The following AKAP12 variants were observed in gnomAD, a reference collection of about 807,000 sequenced individuals.
The protein encoded by AKAP12 is A-kinase anchor protein 12.
Under a neutral mutation model 79.9 loss-of-function variants are expected in AKAP12, and 32 were observed. That is an observed-to-expected ratio of 0.40 (90% confidence interval 0.30 to 0.54). AKAP12 has a LOEUF of 0.54. Among genes scored for constraint, AKAP12 ranks in the 20% least tolerant of loss-of-function variants. AKAP12 has a pLI of 0.48. For synonymous variants in AKAP12, 808 were observed against 857.0 expected (o/e 0.94, Z 1.00); for missense variants, 2,074 against 2,177.0 (o/e 0.95, Z 0.94).
At chr6:151,311,483 C>T (rs1443706303) in intron 3 of AKAP12, among the ~76,000 whole-genome samples, 1 of 152,152 alleles carries the variant, frequency 6.6e-6, no homozygotes, top group Non-Finnish European at 1.5e-5. Context: ...TGCACGTGGA[C>T]CGCCACTGTG....
rs894782575 is a variant in AKAP12, at chr6:151,275,429, G to GA, written c.163-30310dup. On this transcript the variant is annotated intron_variant, in intron 2 of 4. Coordinates refer to ENST00000402676, the MANE Select transcript of AKAP12 (RefSeq NM_005100.4). ...TGTACATTTTCCATCTAGAAAAGGG[G>GA]AAAAAAAATCTGTAGAAGAATGGAT... is the stretch of plus-strand genomic sequence containing the variant. Among the ~76,000 whole-genome samples, 20 of 151,700 alleles carry GA rather than the reference G, an allele frequency of 1.3e-4. No homozygotes were observed. In the East Asian group the frequency reaches 2.7e-3, roughly 21 times the overall value.
rs551016795 is a variant in AKAP12, at chr6:151,260,907, G to A, written c.162+20183G>A. 1.9e-3 allele frequency among the ~76,000 whole-genome samples: 289 copies of A among 152,268 alleles called. 1 individual carries two copies. The highest frequency in any genetic ancestry group is 3.0e-3 in the Non-Finnish European group (205 of 68,026). On this transcript the variant is annotated intron_variant, in intron 2 of 4. Transcript: ENST00000402676. ...CTCGGGAGGCTGACACAGGAGAATC[G>A]CTTGAACCGGGGAGGTGGAGGTTGC...
intron 2 of AKAP12, among the ~76,000 whole-genome samples, chr6:151,245,386 C>T (rs966991669): frequency 6.6e-6 from 1 of 151,642 alleles, no homozygotes; most frequent in South Asian, 2.1e-4. Flanking sequence ...ACCTTTGCCT[C>T]CCAGGTTCAA....
At chr6:151,310,565 AT>A (rs372550144) in intron 3 of AKAP12, among the ~76,000 whole-genome samples, 1 of 151,836 alleles carries the variant, frequency 6.6e-6, no homozygotes, top group Admixed American at 6.6e-5. Context: ...CTGTCTCTAT[AT>A]TTTTTTTAAC....
intron 3 of AKAP12, among the ~76,000 whole-genome samples, chr6:151,331,105 C>G (rs1331723579): frequency 1.3e-5 from 2 of 152,190 alleles, no homozygotes; most frequent in Admixed American, 6.5e-5. Context: ...GTGTGAAACA[C>G]TTCAGTAATT....
At chr6:151,345,887 G>GT (rs1175968373) in intron 3 of AKAP12, among the ~76,000 whole-genome samples, 7 of 98,018 alleles carry the variant, frequency 7.1e-5, no homozygotes, top group Non-Finnish European at 1.7e-4. Context: ...TGAAGGATGT[G>GT]TGTGTATATG....
chr6:151,319,939 A>C (rs975786433), intron 3 of AKAP12: 2 of 152,194 alleles, frequency 1.3e-5, no homozygotes, highest in East Asian at 3.8e-4. Flanking sequence ...TTCCAGCAAG[A>C]AGAAAAGAGA....
At chr6:151,295,316 G>C (rs1776701234) in intron 2 of AKAP12, among the ~76,000 whole-genome samples, 1 of 152,196 alleles carries the variant, frequency 6.6e-6, no homozygotes. Context: ...GATGATTTTA[G>C]TGGATCTCTC....
chr6:151,252,352 T>C (rs1304913026), intron 2 of AKAP12, among the ~76,000 whole-genome samples: 3 of 152,006 alleles, frequency 2.0e-5, no homozygotes, highest in African/African-American at 7.2e-5. Flanking sequence ...CAGGCCACCA[T>C]GCCTGGCTAA....
chr6:151,315,238 T>A (rs1315443548), intron 3 of AKAP12, among the ~76,000 whole-genome samples: 1 of 152,214 alleles, frequency 6.6e-6, no homozygotes, highest in East Asian at 1.9e-4. Context: ...AACAGAAATT[T>A]ATTACTTATA....
chr6:151,263,947 A>C (rs901258322), intron 2 of AKAP12, among the ~76,000 whole-genome samples: 1 of 152,146 alleles, frequency 6.6e-6, no homozygotes, highest in African/African-American at 2.4e-5. Flanking sequence ...AAACCTCTGC[A>C]TCTCTCCACC....
At position 151,340,235 on chromosome 6, in the gene AKAP12, G is replaced by T. The variant is rs1158581027; in HGVS notation, c.320-8476G>T. Among the ~76,000 whole-genome samples the T allele has an allele frequency of 8.3e-4, 111 of 133,636 alleles. No homozygotes were observed. In the East Asian group the frequency reaches 0.016, roughly 19 times the overall value. The allele number at this position is 133,636 out of a possible 152,430, so 87.7% of individuals were successfully genotyped here. A position where few individuals can be genotyped will look rare whatever the true frequency, so the allele number is the denominator to read the frequency against. The stretch of plus-strand genomic sequence containing the variant: ...TCATGAGCCACCGCGCCCAGCGGTG[G>T]TTTTTTTTTTTTTTTTTAGTGCTGA... On this transcript the variant is annotated intron_variant, in intron 3 of 4. Coordinates refer to ENST00000402676, the MANE Select transcript of AKAP12 (RefSeq NM_005100.4).
At position 151,351,763 on chromosome 6, in the gene AKAP12, T is replaced by C. The variant is rs1438979526; in HGVS notation, c.3372T>C (p.Pro1124=). The C allele has an allele frequency of 6.2e-7, 1 of 1,614,128 alleles. No homozygotes were observed. Among genetic ancestry groups the C allele is most frequent in the Non-Finnish European group, 8.5e-7 (1 of 1,180,018 alleles). The change falls in exon 4 of 5, where the codon CCT becomes CCC. Residue 1124 remains proline, a synonymous_variant. Coordinates refer to ENST00000402676, the MANE Select transcript of AKAP12 (RefSeq NM_005100.4). This position sits in a 1 kb window ranked among gnomAD's most constrained non-coding sequence, Gnocchi z 4.4. ...CCCCAGAAAGCTTTGAAAAAGCTCC[T>C]CAAGTCACAGAGAGCATAGAGTCCA... ...QTTPESFEKA[P]QVTESIESSE... is the part of the protein sequence containing the mutation.
rs114740042 is a variant in AKAP12, at chr6:151,339,500, A to G, written c.320-9211A>G. Among the ~76,000 whole-genome samples the G allele has an allele frequency of 6.9e-3, 1,055 of 152,250 alleles. 14 individuals carry two copies. Among genetic ancestry groups the G allele is most frequent in the Middle Eastern group, 0.024 (7 of 294 alleles). The stretch of plus-strand genomic sequence containing the variant: ...GAATTCCCATGTGTCCCTTGCCCCA[A>G]CGTCTGCATAGCCTCCCCCAACCCT... On this transcript the variant is annotated intron_variant, in intron 3 of 4. Coordinates refer to ENST00000402676, the MANE Select transcript of AKAP12 (RefSeq NM_005100.4).
At chr6:151,348,680 T>TCACCCC in intron 3 of AKAP12, 31 bp from the exon 4 acceptor site, 2 of 355,202 alleles carry the variant, frequency 5.6e-6, no homozygotes, top group Non-Finnish European at 1.1e-5. Flanking sequence ...TTTTCTCTTC[T>TCACCCC]CCCCACCCCC....
At chr6:151,268,126 G>C (rs759254869) in intron 2 of AKAP12, among the ~76,000 whole-genome samples, 6 of 152,194 alleles carry the variant, frequency 3.9e-5, no homozygotes, top group Non-Finnish European at 5.9e-5. Flanking sequence ...TTAAAACAGT[G>C]TGACTGCTGG....
At chr6:151,322,050 CA>C (rs1481128947) in intron 3 of AKAP12, among the ~76,000 whole-genome samples, 1 of 151,748 alleles carries the variant, frequency 6.6e-6, no homozygotes, top group Non-Finnish European at 1.5e-5. Context: ...GCTGGGATTA[CA>C]GGCGCCCGCC....
At chr6:151,334,145 G>T (rs1227223874) in intron 3 of AKAP12, among the ~76,000 whole-genome samples, 1 of 152,104 alleles carries the variant, frequency 6.6e-6, no homozygotes, top group Non-Finnish European at 1.5e-5. Flanking sequence ...AAAGGGATCT[G>T]CATCTTTACA....
At chr6:151,326,667 G>A (rs948655481) in intron 3 of AKAP12, among the ~76,000 whole-genome samples, 1 of 152,052 alleles carries the variant, frequency 6.6e-6, no homozygotes, top group African/African-American at 2.4e-5. Context: ...ATAGTCTTAT[G>A]CCATTGTACT....
Sources: allele counts gnomAD v4.1 joint callset (sites outside exome capture counted in the v4.1 genomes callset), GRCh38; gene constraint gnomAD v4.1.1; non-coding constraint Gnocchi (gnomAD v3.1); transcripts MANE v1.5; gene names NCBI Gene and HGNC (gene_info 2026-07-23, HGNC 2026-07-21).